Variants in PPM1B observed in about 807,000 individuals in gnomAD.
PPM1B encodes the protein protein phosphatase, Mg2+/Mn2+ dependent 1B.
In PPM1B, 22 loss-of-function variants were observed where a neutral mutation model predicts 43.0. The observed-to-expected ratio is 0.51, with a 90% CI of 0.37 to 0.73. The LOEUF (loss-of-function observed/expected upper bound fraction) is 0.73. PPM1B is among the 30% of genes least tolerant of loss of function. PPM1B has a pLI of 0.00. For synonymous variants in PPM1B, 217 were observed against 197.9 expected (o/e 1.10, Z -0.81); for missense variants, 632 against 584.2 (o/e 1.08, Z -0.84).
chr2:44,223,422 A>G (rs1301421863), intron 5 of PPM1B, among the ~76,000 whole-genome samples: 2 of 152,166 alleles, frequency 1.3e-5, no homozygotes, highest in Non-Finnish European at 1.5e-5. Context: ...TTACATTTTT[A>G]TATCACAGTT....
intron 3 of PPM1B, among the ~76,000 whole-genome samples, chr2:44,212,017 T>C (rs955039986): frequency 2.0e-5 from 3 of 152,210 alleles, no homozygotes; most frequent in African/African-American, 7.2e-5. Context: ...CCCAAAGTGC[T>C]GGGATTACAG....
At chr2:44,195,383 A>G (rs1435972861) in intron 1 of PPM1B, among the ~76,000 whole-genome samples, 1 of 150,738 alleles carries the variant, frequency 6.6e-6, no homozygotes, top group Non-Finnish European at 1.5e-5. Flanking sequence ...TTTTTCCCCA[A>G]TTTTTTTTGG....
At chr2:44,189,001 T>C (rs751797005) in intron 1 of PPM1B, among the ~76,000 whole-genome samples, 1 of 152,078 alleles carries the variant, frequency 6.6e-6, no homozygotes, top group Non-Finnish European at 1.5e-5. Flanking sequence ...CCCGGGTAGC[T>C]GGGACTACAG....
intron 5 of PPM1B, among the ~76,000 whole-genome samples, chr2:44,240,675 C>G (rs983607521): frequency 6.9e-6 from 1 of 145,918 alleles, no homozygotes; most frequent in African/African-American, 2.5e-5. Flanking sequence ...ATTCCTGGGC[C>G]TTTGAAAAGA....
Position 44,174,456 on chromosome 2 carries a change from T to C in PPM1B, c.-15+5182T>C, listed in dbSNP as rs555723872. 1.5e-4 allele frequency among the ~76,000 whole-genome samples: 23 copies of C among 152,346 alleles called. No individual in the cohort carries two copies. The South Asian group carries it at 2.7e-3, about 18-fold the overall frequency. ...AGGATTGCTGTGATTATTGTCTACG[T>C]AGAATGGCCTTCACTTCAGAATCAG... On this transcript the variant is annotated intron_variant, in intron 1 of 5. Transcript: ENST00000282412.
At chr2:44,181,838 G>T (rs1465226594) in intron 1 of PPM1B, among the ~76,000 whole-genome samples, 1 of 152,174 alleles carries the variant, frequency 6.6e-6, no homozygotes. Context: ...CATAGCTTAA[G>T]CCATGAGATT....
At chr2:44,187,548 A>G (rs1367973941) in intron 1 of PPM1B, among the ~76,000 whole-genome samples, 1 of 152,216 alleles carries the variant, frequency 6.6e-6, no homozygotes, top group Non-Finnish European at 1.5e-5. Context: ...CTGAAAGTCC[A>G]TAATGATCTG....
At position 44,181,850 on chromosome 2, in the gene PPM1B, C is replaced by T. The variant is rs769929995; in HGVS notation, c.-15+12576C>T. On this transcript the variant is annotated intron_variant, in intron 1 of 5. Transcript: ENST00000282412. Reference sequence around the variant, plus strand: ...AGACATAGCTTAAGCCATGAGATTGCATCAGAGGGCAGATACTGTGTTTTG... The same window carrying T: ...AGACATAGCTTAAGCCATGAGATTGTATCAGAGGGCAGATACTGTGTTTTG... Among the ~76,000 whole-genome samples, 63 of 152,148 alleles carry T rather than the reference C, an allele frequency of 4.1e-4. 1 individual carries two copies. The highest frequency in any genetic ancestry group is 1.0e-3 in the Admixed American group (16 of 15,268).
intron 1 of PPM1B, among the ~76,000 whole-genome samples, chr2:44,176,708 G>C (rs1024481070): frequency 1.2e-4 from 18 of 152,118 alleles, no homozygotes; most frequent in Non-Finnish European, 7.4e-5. Flanking sequence ...TCATCTTTTT[G>C]TTCTTATTTT....
chr2:44,199,512 A>C (rs1224933858), intron 1 of PPM1B, among the ~76,000 whole-genome samples: 1 of 152,172 alleles, frequency 6.6e-6, no homozygotes, highest in Non-Finnish European at 1.5e-5. Context: ...TAGTAAATAC[A>C]GCCAACAATT....
rs1341851363 is a variant in PPM1B at position 44,175,785 on chromosome 2, A to ATT, written c.-15+6528_-15+6529dup. On this transcript the variant is annotated intron_variant, in intron 1 of 5. Transcript: ENST00000282412. ...CCTTAGAGAAAGACATTGGTTTGAGATTTTTTTTTTTTTTTTTTGAGACGG... is the reference window on the plus strand; with the variant it reads ...CCTTAGAGAAAGACATTGGTTTGAGATTTTTTTTTTTTTTTTTTTTGAGACGG... Among the ~76,000 whole-genome samples, 167 of 138,286 alleles carry ATT rather than the reference A, an allele frequency of 1.2e-3. 1 individual carries two copies. The Middle Eastern group carries it at 0.023, about 19-fold the overall frequency. The allele number at this position is 138,286 out of a possible 152,430, so 90.7% of individuals were successfully genotyped here.
At chr2:44,215,981 C>G (rs927597884) in intron 3 of PPM1B, among the ~76,000 whole-genome samples, 1 of 152,028 alleles carries the variant, frequency 6.6e-6, no homozygotes, top group Non-Finnish European at 1.5e-5. Context: ...GTGAGTGCAG[C>G]TGGGTTAGAA....
intron 1 of PPM1B, among the ~76,000 whole-genome samples, chr2:44,172,051 A>T (rs918876112): frequency 6.6e-6 from 1 of 152,220 alleles, no homozygotes. Context: ...AACTGGTGGC[A>T]TCAGAATAAT....
intron 1 of PPM1B, among the ~76,000 whole-genome samples, chr2:44,190,855 A>T (rs936235889): frequency 6.6e-6 from 1 of 152,238 alleles, no homozygotes; most frequent in Non-Finnish European, 1.5e-5. Flanking sequence ...TAATAAAATA[A>T]ATTGTACAAT....
chr2:44,194,406 C>G (rs1290952645), intron 1 of PPM1B, among the ~76,000 whole-genome samples: 2 of 152,160 alleles, frequency 1.3e-5, no homozygotes, highest in African/African-American at 4.8e-5. Context: ...CTTGTGGTTT[C>G]CTTGATTTCT....
chr2:44,183,626 G>T (rs1256769826), intron 1 of PPM1B, among the ~76,000 whole-genome samples: 1 of 152,202 alleles, frequency 6.6e-6, no homozygotes, highest in African/African-American at 2.4e-5. Flanking sequence ...GGGCATACCA[G>T]TGAGCCCCAG....
rs945302159 is a variant in PPM1B at position 44,194,435 on chromosome 2, C to G, written c.-14-6751C>G. On this transcript the variant is annotated intron_variant, in intron 1 of 5. Transcript: ENST00000282412. Reference sequence around the variant, plus strand: ...GATTTCTGGGAGTTGGTAAAGAAGGCTGAGCAGGCCGGGCGTGTTGGCTCA... The same window carrying G: ...GATTTCTGGGAGTTGGTAAAGAAGGGTGAGCAGGCCGGGCGTGTTGGCTCA... Among the ~76,000 whole-genome samples the G allele has an allele frequency of 2.0e-5, 3 of 152,222 alleles. No homozygotes were observed. The South Asian group carries it at 6.2e-4, about 32-fold the overall frequency.
At chr2:44,182,023 C>T (rs1046746181) in intron 1 of PPM1B, among the ~76,000 whole-genome samples, 4 of 152,080 alleles carry the variant, frequency 2.6e-5, no homozygotes, top group African/African-American at 9.7e-5. Context: ...TTTCCAGAAT[C>T]GAGGCGTTAC....
intron 2 of PPM1B, among the ~76,000 whole-genome samples, chr2:44,206,767 GC>G (rs1490052983): frequency 6.6e-6 from 1 of 152,036 alleles, no homozygotes; most frequent in Non-Finnish European, 1.5e-5. Flanking sequence ...TCACTGTGTT[GC>G]CCGGGCTAGT....
Sources: gnomAD v4.1 joint callset for allele counts (sites outside exome capture counted in the v4.1 genomes callset) on GRCh38, gnomAD v4.1.1 for gene constraint, MANE v1.5 for transcripts, NCBI Gene and HGNC (gene_info 2026-07-23, HGNC 2026-07-21) for gene names.